Variants in TLDC2 observed in about 807,000 individuals in gnomAD.
TLDC2 encodes the protein TBC/LysM-associated domain containing 2.
In TLDC2, 23 loss-of-function variants were observed where a neutral mutation model predicts 27.9. The observed-to-expected ratio is 0.82, with a 90% CI of 0.59 to 1.17. TLDC2 has a LOEUF of 1.17. TLDC2 is among the 50% of genes most tolerant of loss of function. The pLI, the probability that TLDC2 is intolerant of heterozygous loss-of-function variation, is 0.00. For missense variants in TLDC2, 286 were observed against 273.4 expected (o/e 1.05, Z -0.32); for synonymous variants, 124 against 107.4 (o/e 1.16, Z -0.96).
At chr20:36,887,395 A>C (rs1197369340) in intron 4 of TLDC2, 60 bp from the exon 5 acceptor site, 2 of 1,505,324 alleles carry the variant, frequency 1.3e-6, no homozygotes, top group Non-Finnish European at 1.8e-6. Context: ...TTCGGGGTCA[A>C]ACTGCAAGGG....
Position 36,893,083 on chromosome 20 carries a change from GA to G in TLDC2, c.*244del. On this transcript the variant is annotated 3_prime_UTR_variant, in exon 7 of 7. Coordinates refer to ENST00000217320, the MANE Select transcript of TLDC2 (RefSeq NM_080628.3). The stretch of plus-strand genomic sequence containing the variant: ...ATCGCCATCCTATTAGGAAGAGAGA[GA>G]AAAACAGGCAATAGAGAAAAGCCAG... 3 of 1,611,414 alleles carry G rather than the reference GA, an allele frequency of 1.9e-6. No homozygotes were observed. The highest frequency in any genetic ancestry group is 2.5e-6 in the Non-Finnish European group (3 of 1,179,932).
Position 36,877,916 on chromosome 20 carries a change from C to T in TLDC2, c.51C>T (p.Asp17=), listed in dbSNP as rs144357819. 3.1e-5 allele frequency: 50 copies of T among 1,613,300 alleles called. No homozygotes were observed. The African/African-American group carries it at 6.0e-4, about 19-fold the overall frequency. The part of the protein sequence containing the change: ...RYTRLPSQVE[D]TLSGEEGNEE... ...TTTTGCAGCCCAGCCAGGTGGAGGA[C>T]ACCCTGTCTGGGGAGGAGGGTAACG... Residue 17 remains aspartate (D), a synonymous_variant, in exon 2 of 7, where the codon GAC becomes GAT. Coordinates refer to ENST00000217320, the MANE Select transcript of TLDC2 (RefSeq NM_080628.3).
Position 36,893,244 on chromosome 20 carries a change from A to C in TLDC2, c.*400A>C. 1 of 713,670 alleles carries C rather than the reference A, an allele frequency of 1.4e-6. No homozygotes were observed. The highest frequency in any genetic ancestry group is 2.4e-6 in the Non-Finnish European group (1 of 424,388). The allele number at this position is 713,670 out of a possible 1,614,324, so 44.2% of individuals were successfully genotyped here. ...CCTGTGCTTGGGGCAAATTAGAAACACTACAGTCTTACGCAGGAAGAGCCT... is the reference window on the plus strand; with the variant it reads ...CCTGTGCTTGGGGCAAATTAGAAACCCTACAGTCTTACGCAGGAAGAGCCT... On this transcript the variant is annotated 3_prime_UTR_variant, in exon 7 of 7. Coordinates refer to ENST00000217320, the MANE Select transcript of TLDC2 (RefSeq NM_080628.3).
At position 36,880,759 on chromosome 20, in the gene TLDC2, C is replaced by T. The variant is rs755326765; in HGVS notation, c.438+9C>T. 1.2e-6 allele frequency: 2 copies of T among 1,613,236 alleles called. No homozygotes were observed. The highest frequency in any genetic ancestry group is 1.7e-6 in the Non-Finnish European group (2 of 1,179,206). On this transcript the variant is annotated intron_variant, in intron 4 of 6. Transcript: ENST00000217320. The stretch of plus-strand genomic sequence containing the variant: ...TCTCCCCACAGCTGAAGGTGATGTT[C>T]CCAACCTTCCATGGGGGGAGTGGGG...
chr20:36,879,148 C>T lies in TLDC2; in HGVS notation c.297C>T (p.Gly99=). ...AGAGCCTGTACCGGCGGATGGAGGGCTGCAGCGGGCCAGTGCTGCTGGTGC... is the reference window on the plus strand; with the variant it reads ...AGAGCCTGTACCGGCGGATGGAGGGTTGCAGCGGGCCAGTGCTGCTGGTGC... ...SLQSLYRRME[G]CSGPVLLVLR... Residue 99 remains glycine, a synonymous_variant, in exon 3 of 7, where the codon GGC becomes GGT. Coordinates refer to ENST00000217320, the MANE Select transcript of TLDC2 (RefSeq NM_080628.3). 2 of 1,614,056 alleles carry T rather than the reference C, an allele frequency of 1.2e-6. No homozygotes were observed. Among genetic ancestry groups the T allele is most frequent in the Non-Finnish European group, 8.5e-7 (1 of 1,180,020 alleles).
Position 36,876,138 on chromosome 20 carries a change from A to T in TLDC2, c.-37A>T. 1 of 1,613,654 alleles carries T rather than the reference A, an allele frequency of 6.2e-7. No individual in the cohort carries two copies. The highest frequency in any genetic ancestry group is 8.5e-7 in the Non-Finnish European group (1 of 1,179,738). ...CCTTCCTGGGCAGGGCTGAGGATTC[A>T]CTCACTGCCCACGGCCGGCTGAGCA... On this transcript the variant is annotated 5_prime_UTR_variant, in exon 1 of 7. Transcript: ENST00000217320.
At chr20:36,880,877 G>A (rs1232766344) in intron 4 of TLDC2, 127 bp downstream of exon 4, 9 of 842,584 alleles carry the variant, frequency 1.1e-5, no homozygotes, top group Non-Finnish European at 1.8e-5. Context: ...TCCCACAGGG[G>A]AATGAGCAGG....
At chr20:36,882,878 A>G (rs1448789639) in intron 4 of TLDC2, among the ~76,000 whole-genome samples, 1 of 152,140 alleles carries the variant, frequency 6.6e-6, no homozygotes, top group Non-Finnish European at 1.5e-5. Flanking sequence ...CTTCCATTGC[A>G]CTGACATTAG....
chr20:36,876,539 C>T (rs1042581153), intron 1 of TLDC2, among the ~76,000 whole-genome samples: 4 of 152,180 alleles, frequency 2.6e-5, no homozygotes, highest in African/African-American at 9.7e-5. Context: ...GAGAGGGGGT[C>T]CTGTCCATCT....
chr20:36,880,556 T>C (rs1291125), intron 3 of TLDC2, 99 bp from the exon 4 acceptor site: 515,181 of 934,764 alleles, frequency 0.55, 146,916 homozygotes, highest in South Asian at 0.65. Context: ...TTCCCAGGTG[T>C]CCTCTAGGAT....
chr20:36,882,210 G>A (rs1363543661), intron 4 of TLDC2, among the ~76,000 whole-genome samples: 1 of 152,184 alleles, frequency 6.6e-6, no homozygotes, highest in Admixed American at 6.5e-5. Context: ...CTATTGAGCA[G>A]TACCTGCTTG....
At chr20:36,886,143 T>C (rs1447849872) in intron 4 of TLDC2, among the ~76,000 whole-genome samples, 3 of 152,170 alleles carry the variant, frequency 2.0e-5, no homozygotes, top group Non-Finnish European at 4.4e-5. Context: ...TTTGTTGTTT[T>C]TTAGAGTTGG....
chr20:36,889,480 G>A, intron 6 of TLDC2, 77 bp downstream of exon 6: 3 of 1,504,256 alleles, frequency 2.0e-6, no homozygotes, highest in Middle Eastern at 2.4e-4. Context: ...CACAGATGGT[G>A]AAGGGCCCTA....
chr20:36,877,875 C>T lies in TLDC2; in HGVS notation c.34-24C>T, dbSNP rs192486897. On this transcript the variant is annotated intron_variant, in intron 1 of 6. Coordinates refer to ENST00000217320, the MANE Select transcript of TLDC2 (RefSeq NM_080628.3). ...CTGGGACCTCCTGTCCCTGGACACA[C>T]CAGGCCACTTTGTGTTTTTGCAGCC... The T allele has an allele frequency of 1.1e-5, 18 of 1,604,698 alleles. No homozygotes were observed. The East Asian group carries it at 4.0e-4, about 36-fold the overall frequency.
intron 4 of TLDC2, among the ~76,000 whole-genome samples, chr20:36,882,122 A>G (rs1348987801): frequency 1.3e-5 from 2 of 152,208 alleles, no homozygotes; most frequent in African/African-American, 4.8e-5. Context: ...CGAGCTGCCC[A>G]GGAGCTGGGT....
rs369181004 is a variant in TLDC2, at chr20:36,877,947, G to A, written c.82G>A (p.Glu28Lys). 11 of 1,613,970 alleles carry A rather than the reference G, an allele frequency of 6.8e-6. No homozygotes were observed. The African/African-American group carries it at 1.3e-4, about 20-fold the overall frequency. ...TLSGEEGNEE[E>K]EEEEAAPDPA... ...GTCTGGGGAGGAGGGTAACGAAGAGGAAGAGGAGGAGGAGGCAGCTCCAGA... is the reference window on the plus strand; with the variant it reads ...GTCTGGGGAGGAGGGTAACGAAGAGAAAGAGGAGGAGGAGGCAGCTCCAGA... Residue 28 changes from glutamate to lysine, a missense_variant, in exon 2 of 7, where the codon GAA becomes AAA. By Grantham distance (56) the Glu-to-Lys change is moderately conservative (BLOSUM62 1). Coordinates refer to ENST00000217320, the MANE Select transcript of TLDC2 (RefSeq NM_080628.3).
chr20:36,887,082 T>C (rs1179902569), intron 4 of TLDC2, among the ~76,000 whole-genome samples: 1 of 152,030 alleles, frequency 6.6e-6, no homozygotes, highest in Non-Finnish European at 1.5e-5. Context: ...GAGGCAGCAC[T>C]GAAGAGCAGG....
At chr20:36,886,684 C>T (rs1385520648) in intron 4 of TLDC2, among the ~76,000 whole-genome samples, 1 of 152,108 alleles carries the variant, frequency 6.6e-6, no homozygotes, top group Admixed American at 6.6e-5. Flanking sequence ...CGAGGAAACT[C>T]CTGGCCTCAA....
rs1182289908 is a variant in TLDC2, at chr20:36,879,234, C to T, written c.342+41C>T. ...GCACCACCCGAGGCTCTGGGGGCAC[C>T]CCACCAGGTACTCATGGGCCCTGTC... On this transcript the variant is annotated intron_variant, in intron 3 of 6. Transcript: ENST00000217320. 3.8e-6 allele frequency: 6 copies of T among 1,587,326 alleles called. 1 individual carries two copies. The Admixed American group carries it at 8.7e-5, about 23-fold the overall frequency.
Sources: gnomAD v4.1 joint callset for allele counts (sites outside exome capture counted in the v4.1 genomes callset) on GRCh38, gnomAD v4.1.1 for gene constraint, MANE v1.5 for transcripts, NCBI Gene and HGNC (gene_info 2026-07-23, HGNC 2026-07-21) for gene names.